PFKP: variants seen among roughly 807,000 people sequenced by gnomAD.
The protein encoded by PFKP is phosphofructokinase, platelet.
In PFKP, 101 loss-of-function variants were observed where a neutral mutation model predicts 94.3. That is an observed-to-expected ratio of 1.07 (90% CI 0.91 to 1.26). The LOEUF (loss-of-function observed/expected upper bound fraction) is 1.26, where lower values mean the gene tolerates loss of function less well. PFKP is among the 50% of genes most tolerant of loss of function. PFKP has a pLI of 0.00. For synonymous variants in PFKP, 573 were observed against 432.6 expected, an observed-to-expected ratio of 1.32 and a Z score of -4.03; for missense variants, 1,145 against 1,103.3, an observed-to-expected ratio of 1.04 and a Z score of -0.53.
intron 1 of PFKP, chr10:3,068,694 C>A: frequency 1.0e-6 from 1 of 984,682 alleles, no homozygotes; most frequent in Non-Finnish European, 1.2e-6. Flanking sequence ...CACGTGGGGG[C>A]GCCGGTGCCC....
In PFKP at chr10:3,069,105, C is replaced by T. The variant is rs576140317; in HGVS notation, c.112+1398C>T. The T allele has an allele frequency of 1.8e-3, 707 of 388,146 alleles. 1 individual carries two copies. Among genetic ancestry groups the T allele is most frequent in the Non-Finnish European group, 2.1e-3 (555 of 260,242 alleles). 24.0% of individuals were successfully genotyped at this position (388,146 alleles called of 1,614,324 possible). On this transcript the variant is annotated intron_variant, in intron 1 of 21. Coordinates refer to ENST00000381125, the MANE Select transcript of PFKP (RefSeq NM_002627.5). ...CCCCGGCCCCGACACCCGTGCGCCG[C>T]GCGCTCCCCAGGCCCGCAGCGCAGC...
At chr10:3,089,315 GGTGTT>G (rs1300660616) in intron 2 of PFKP, among the ~76,000 whole-genome samples, 1 of 152,190 alleles carries the variant, frequency 6.6e-6, no homozygotes, top group African/African-American at 2.4e-5. Flanking sequence ...ATGGGTGAAC[GGTGTT>G]GTGTTGTGGG....
intron 19 of PFKP, among the ~76,000 whole-genome samples, chr10:3,133,652 A>G (rs991084252): frequency 4.6e-5 from 7 of 152,192 alleles, no homozygotes; most frequent in Non-Finnish European, 8.8e-5. Flanking sequence ...GCTGGTCTCA[A>G]ACTCCTGACC....
chr10:3,073,607 A>G (rs1160635466), intron 1 of PFKP, among the ~76,000 whole-genome samples: 1 of 151,866 alleles, frequency 6.6e-6, no homozygotes, highest in Non-Finnish European at 1.5e-5. Context: ...CAGGAGTCCC[A>G]TGGGATTGTT....
intron 8 of PFKP, chr10:3,107,921 T>G (rs985059459): frequency 1.6e-6 from 2 of 1,289,480 alleles, no homozygotes; most frequent in African/African-American, 3.0e-5. Context: ...GGGCTGGGGA[T>G]GGGCTGTGGC....
At chr10:3,093,486 C>G (rs1055401065) in intron 2 of PFKP, among the ~76,000 whole-genome samples, 4 of 152,182 alleles carry the variant, frequency 2.6e-5, no homozygotes, top group Non-Finnish European at 5.9e-5. Context: ...ATGCCTTCCA[C>G]TAACACGCGT....
chr10:3,081,709 T>A (rs1211319812), intron 1 of PFKP, among the ~76,000 whole-genome samples: 1 of 152,204 alleles, frequency 6.6e-6, no homozygotes, highest in Non-Finnish European at 1.5e-5. Flanking sequence ...GCTAACAGAC[T>A]TATGATACAT....
In PFKP at chr10:3,136,587, C is replaced by G; in HGVS notation, c.*8C>G. ...CAGCCCTGGAGTGTCTGACCCAGTC[C>G]CGCCTGCATGTGCCTGCAGCCACCG... On this transcript the variant is annotated 3_prime_UTR_variant, in exon 22 of 22. Transcript: ENST00000381125. 2 of 1,612,888 alleles carry G rather than the reference C, an allele frequency of 1.2e-6. No homozygotes were observed. The highest frequency in any genetic ancestry group is 1.7e-6 in the Non-Finnish European group (2 of 1,179,352).
At chr10:3,114,155 C>CT (rs72054829) in intron 13 of PFKP, among the ~76,000 whole-genome samples, 89,737 of 147,422 alleles carry the variant, frequency 0.61, 27,865 homozygotes, top group East Asian at 0.84. Flanking sequence ...TTGTGAAATT[C>CT]TTTTTTTTTT....
chr10:3,084,433 T>C (rs1311470021), intron 2 of PFKP, among the ~76,000 whole-genome samples: 1 of 132,730 alleles, frequency 7.5e-6, no homozygotes, highest in Non-Finnish European at 1.8e-5. Context: ...TGGAAAGAGG[T>C]TTTTTTGTTC....
intron 15 of PFKP, 44 bp from the exon 16 acceptor site, chr10:3,119,848 C>T (rs759722960): frequency 1.9e-6 from 3 of 1,605,706 alleles, no homozygotes. Flanking sequence ...CCCTCTCCTC[C>T]CCAGCTTCCC....
intron 16 of PFKP, 195 bp from the exon 17 acceptor site, chr10:3,129,624 T>C: frequency 3.4e-6 from 2 of 596,012 alleles, no homozygotes; most frequent in Non-Finnish European, 5.8e-6. Context: ...CATGGTGGGG[T>C]TGCGGGGGAC....
chr10:3,067,814 G>C, intron 1 of PFKP, 107 bp downstream of exon 1: 1 of 493,286 alleles, frequency 2.0e-6, no homozygotes, highest in Admixed American at 4.2e-5. Flanking sequence ...AAGCGATGGG[G>C]GGGACCCGGG....
intron 8 of PFKP, 116 bp from the exon 9 acceptor site, chr10:3,108,585 C>G: frequency 1.4e-6 from 1 of 722,340 alleles, no homozygotes; most frequent in Non-Finnish European, 2.5e-6. Context: ...TAACTTTTCC[C>G]ATTTAGATCT....
intron 16 of PFKP, among the ~76,000 whole-genome samples, chr10:3,122,346 C>G (rs894021005): frequency 2.6e-5 from 4 of 152,180 alleles, no homozygotes; most frequent in African/African-American, 9.7e-5. Context: ...AATGCTGTGG[C>G]TGCTGGGGAG....
At chr10:3,101,576 T>C (rs1237846471) in intron 4 of PFKP, 22 bp downstream of exon 4, 6 of 1,483,998 alleles carry the variant, frequency 4.0e-6, no homozygotes, top group Non-Finnish European at 5.4e-6. Context: ...CCTGCTCCTC[T>C]GTCCTGCGGG....
At chr10:3,114,303 C>T (rs1181035471) in intron 13 of PFKP, among the ~76,000 whole-genome samples, 2 of 152,172 alleles carry the variant, frequency 1.3e-5, no homozygotes, top group Non-Finnish European at 2.9e-5. Context: ...GCACGCGCCA[C>T]CACGCCCAGC....
At position 3,134,578 on chromosome 10, in the gene PFKP, C is replaced by CAG; in HGVS notation, c.2121_2122dup (p.Gly708GlufsTer16). On this transcript the variant is annotated frameshift_variant, in exon 20 of 22. Coordinates refer to ENST00000381125, the MANE Select transcript of PFKP (RefSeq NM_002627.5). LOFTEE classifies it high-confidence loss of function. ...CTGCAAAACTCAAGGAGGCCCGGGG[C>CAG]AGAGGTAAGGGGTCTGGGGAGGGAG... The CAG allele has an allele frequency of 6.2e-7, 1 of 1,608,288 alleles. No homozygotes were observed. Among genetic ancestry groups the CAG allele is most frequent in the Non-Finnish European group, 8.5e-7 (1 of 1,174,858 alleles).
At chr10:3,109,582 T>G in intron 10 of PFKP, 102 bp downstream of exon 10, 2 of 1,393,228 alleles carry the variant, frequency 1.4e-6, no homozygotes, top group Middle Eastern at 2.0e-4. Context: ...CGGTGCACGA[T>G]GCATTACACG....
Sources: gnomAD v4.1 joint callset for allele counts (sites outside exome capture counted in the v4.1 genomes callset) on GRCh38, gnomAD v4.1.1 for gene constraint, MANE v1.5 for transcripts, NCBI Gene and HGNC (gene_info 2026-07-23, HGNC 2026-07-21) for gene names.